The following RYR3 variants were observed in gnomAD, a reference collection of about 807,000 sequenced individuals.
RYR3 encodes brain ryanodine receptor-calcium release channel.
In RYR3, 207 loss-of-function variants were observed where a neutral mutation model predicts 584.3. The observed-to-expected ratio is 0.35, with a 90% CI of 0.32 to 0.40. The LOEUF is 0.40. RYR3 is among the 10% of genes least tolerant of loss of function. The pLI, the probability that RYR3 is intolerant of heterozygous loss-of-function variation, is 1.00. For synonymous variants in RYR3, 2,416 were observed against 2,248.5 expected (o/e 1.07, Z -2.11); for missense variants, 5,616 against 6,089.2 (o/e 0.92, Z 2.59).
At chr15:33,496,327 C>G (rs1567370909) in intron 2 of RYR3, among the ~76,000 whole-genome samples, 1 of 152,172 alleles carries the variant, frequency 6.6e-6, no homozygotes, top group Non-Finnish European at 1.5e-5. Context: ...GACTCTGTGT[C>G]TACACAATCT....
At chr15:33,537,455 A>T (rs1431720547) in intron 5 of RYR3, among the ~76,000 whole-genome samples, 1 of 152,206 alleles carries the variant, frequency 6.6e-6, no homozygotes, top group East Asian at 1.9e-4. Flanking sequence ...GAAAAGATGC[A>T]TGTGGATTAA....
Position 33,816,978 on chromosome 15 carries a change from G to A in RYR3, c.10599+20G>A. On this transcript the variant is annotated intron_variant, in intron 75 of 103. Transcript: ENST00000634891. ...TTGGCTGTAAGTACTGACTCCCCTG[G>A]GAGCAGATATGAGTGTGGATGAATT... The A allele has an allele frequency of 6.9e-7, 1 of 1,444,278 alleles. No homozygotes were observed. Among genetic ancestry groups the A allele is most frequent in the Middle Eastern group, 1.7e-4 (1 of 5,746 alleles). The allele number at this position is 1,444,278 out of a possible 1,614,324, so 89.5% of individuals were successfully genotyped here.
At chr15:33,682,627 C>T (rs530765178) in intron 38 of RYR3, among the ~76,000 whole-genome samples, 6 of 152,312 alleles carry the variant, frequency 3.9e-5, no homozygotes, top group Admixed American at 3.3e-4. Flanking sequence ...TTCCCTAAGA[C>T]ATTCTGTTCA....
intron 43 of RYR3, among the ~76,000 whole-genome samples, chr15:33,713,686 C>G (rs2067282520): frequency 1.3e-5 from 2 of 152,138 alleles, no homozygotes; most frequent in African/African-American, 4.8e-5. Context: ...GACAAGGTAG[C>G]TTATAAACAA....
Position 33,854,689 on chromosome 15 carries a change from A to T in RYR3, c.13861-77A>T, listed in dbSNP as rs1328663264. ...CCCCTCTATCCTCAGTGTGTCTCCCAAAATAAGAAAAAATGTTTTATAATG... is the reference window on the plus strand; with the variant it reads ...CCCCTCTATCCTCAGTGTGTCTCCCTAAATAAGAAAAAATGTTTTATAATG... On this transcript the variant is annotated intron_variant, in intron 97 of 103. Transcript: ENST00000634891. 5 of 1,526,340 alleles carry T rather than the reference A, an allele frequency of 3.3e-6. No individual in the cohort carries two copies. In the African/African-American group the frequency reaches 5.6e-5, roughly 17 times the overall value. The allele number at this position is 1,526,340 out of a possible 1,614,324, so 94.5% of individuals were successfully genotyped here.
intron 103 of RYR3, chr15:33,864,716 T>C (rs1232539657): frequency 9.3e-5 from 17 of 183,410 alleles, no homozygotes; most frequent in Non-Finnish European, 1.1e-5. Context: ...ATTGGCTTTG[T>C]AGGAAAACTT....
At chr15:33,550,510 T>C (rs1412587279) in intron 10 of RYR3, among the ~76,000 whole-genome samples, 194 bp downstream of exon 10, 2 of 152,208 alleles carry the variant, frequency 1.3e-5, no homozygotes, top group East Asian at 3.8e-4. Context: ...TGGATGAAGG[T>C]TGAAGTCTTG....
chr15:33,476,647 G>A (rs775876546), intron 2 of RYR3, among the ~76,000 whole-genome samples: 6 of 152,076 alleles, frequency 3.9e-5, no homozygotes, highest in Non-Finnish European at 2.9e-5. Flanking sequence ...GTTTATTTTG[G>A]CTTTCGGGAG....
At chr15:33,433,661 A>G (rs2045408207) in intron 1 of RYR3, among the ~76,000 whole-genome samples, 1 of 152,192 alleles carries the variant, frequency 6.6e-6, no homozygotes. Context: ...AGCCTATACA[A>G]ATTACTTTTA....
intron 1 of RYR3, among the ~76,000 whole-genome samples, chr15:33,341,847 TAAA>T (rs58418395): frequency 6.7e-6 from 1 of 149,528 alleles, no homozygotes; most frequent in African/African-American, 2.5e-5. Context: ...TAGAAAAAAT[TAAA>T]AAAAAAAATT....
At chr15:33,843,338 G>A (rs1414840354) in intron 91 of RYR3, 150 bp from the exon 92 acceptor site, 2 of 574,182 alleles carry the variant, frequency 3.5e-6, no homozygotes, top group Non-Finnish European at 6.2e-6. Context: ...AGAAAGAAAA[G>A]AATGCCAGGG....
At chr15:33,500,351 A>G (rs16971773) in intron 2 of RYR3, among the ~76,000 whole-genome samples, 2,368 of 152,282 alleles carry the variant, frequency 0.016, 29 homozygotes, top group Non-Finnish European at 0.026. Flanking sequence ...GAAATGCTAA[A>G]TGACTACAAA....
intron 31 of RYR3, among the ~76,000 whole-genome samples, chr15:33,650,863 T>C (rs1016479503): frequency 6.6e-6 from 1 of 152,246 alleles, no homozygotes; most frequent in African/African-American, 2.4e-5. Flanking sequence ...TGTATAATTA[T>C]TATTCCCATT....
intron 93 of RYR3, among the ~76,000 whole-genome samples, chr15:33,845,446 G>GT (rs1321450591): frequency 3.9e-5 from 6 of 152,186 alleles, no homozygotes; most frequent in Non-Finnish European, 8.8e-5. Context: ...TAGAGACAGG[G>GT]TTTCACTATG....
intron 103 of RYR3, 70 bp from the exon 104 acceptor site, chr15:33,865,061 A>G (rs1008367617): frequency 1.6e-6 from 2 of 1,246,494 alleles, no homozygotes; most frequent in Non-Finnish European, 2.3e-6. Flanking sequence ...GCCACAAAGA[A>G]CAAAAACAAA....
intron 47 of RYR3, 34 bp from the exon 48 acceptor site, chr15:33,731,440 G>T: frequency 6.6e-7 from 1 of 1,505,944 alleles, no homozygotes; most frequent in Admixed American, 1.9e-5. Flanking sequence ...GTTCCTCAGG[G>T]CAATTAACCT....
intron 91 of RYR3, among the ~76,000 whole-genome samples, chr15:33,842,409 T>A (rs2278313): frequency 6.6e-6 from 1 of 152,092 alleles, no homozygotes; most frequent in Non-Finnish European, 1.5e-5. Flanking sequence ...AGAAAGAATG[T>A]TCCTCTTATG....
intron 60 of RYR3, among the ~76,000 whole-genome samples, chr15:33,763,904 A>AAAAAAAAAAAAAC (rs1567121773): frequency 1.5e-5 from 2 of 130,576 alleles, no homozygotes; most frequent in African/African-American, 6.6e-5. Flanking sequence ...AAAAAAAAAA[A>AAAAAAAAAAAAAC]AAAAAAAAAA....
intron 16 of RYR3, among the ~76,000 whole-genome samples, chr15:33,600,448 G>A (rs77064350): frequency 0.017 from 2,619 of 152,062 alleles, 31 homozygotes; most frequent in Non-Finnish European, 0.026. Flanking sequence ...TGACTGGCCC[G>A]GCACAGTTCG....
Sources: allele counts gnomAD v4.1 joint callset (sites outside exome capture counted in the v4.1 genomes callset), GRCh38; gene constraint gnomAD v4.1.1; transcripts MANE v1.5; gene names NCBI Gene and HGNC (gene_info 2026-07-23, HGNC 2026-07-21).